AFF3: variants seen among roughly 807,000 people sequenced by gnomAD.
AFF3 encodes ALF transcription elongation factor 3, also known as AF4/FMR2 family member 3.
AFF3 carries 32 observed loss-of-function variants against 129.7 expected under a neutral mutation model. The observed-to-expected ratio is 0.25, with a 90% CI of 0.19 to 0.33. The LOEUF (loss-of-function observed/expected upper bound fraction) is 0.33. Ranked by LOEUF, AFF3 falls within the 10% of genes least tolerant of loss-of-function variation. The pLI, the probability that AFF3 is intolerant of heterozygous loss-of-function variation, is 1.00. For synonymous variants in AFF3, 644 were observed against 635.4 expected, an observed-to-expected ratio of 1.01 and a Z score of -0.20; for missense variants, 1,373 against 1,592.0, an observed-to-expected ratio of 0.86 and a Z score of 2.34.
chr2:99,893,735 C>CT (rs1209942033), intron 7 of AFF3, among the ~76,000 whole-genome samples: 1 of 152,224 alleles, frequency 6.6e-6, no homozygotes, highest in Admixed American at 6.5e-5. Context: ...AGAACATCAA[C>CT]TAACACTATT....
intron 1 of AFF3, among the ~76,000 whole-genome samples, chr2:100,130,537 G>A (rs1167166892): frequency 8.5e-5 from 13 of 152,228 alleles, no homozygotes; most frequent in Admixed American, 3.3e-4. Context: ...GGGCTCAGCC[G>A]TGTGCCCACA....
At chr2:99,991,317 T>C (rs1576495197) in intron 7 of AFF3, among the ~76,000 whole-genome samples, 1 of 152,224 alleles carries the variant, frequency 6.6e-6, no homozygotes, top group Non-Finnish European at 1.5e-5. Flanking sequence ...CTTCTTGCCA[T>C]GTTTGGGTCT....
At chr2:99,839,754 G>C (rs1162864015) in intron 7 of AFF3, among the ~76,000 whole-genome samples, 1 of 151,946 alleles carries the variant, frequency 6.6e-6, no homozygotes, top group Non-Finnish European at 1.5e-5. Context: ...TGAAACTACA[G>C]GCATGTATCA....
chr2:100,121,372 G>A (rs1280738553), intron 2 of AFF3, among the ~76,000 whole-genome samples: 9 of 152,196 alleles, frequency 5.9e-5, no homozygotes, highest in Admixed American at 5.9e-4. Flanking sequence ...TCCGGCCAGG[G>A]ATGGGAATAT....
chr2:99,756,624 C>T (rs1682121329), intron 8 of AFF3, among the ~76,000 whole-genome samples: 1 of 152,232 alleles, frequency 6.6e-6, no homozygotes, highest in Admixed American at 6.5e-5. Flanking sequence ...TCCTTCTCCA[C>T]TGGCTTTTTC....
At chr2:99,869,674 G>A in intron 7 of AFF3, among the ~76,000 whole-genome samples, 1 of 152,174 alleles carries the variant, frequency 6.6e-6, no homozygotes, top group Non-Finnish European at 1.5e-5. Context: ...AGCTTACCCT[G>A]GGGTCCCCCT....
At position 99,721,268 on chromosome 2, in the gene AFF3, T is replaced by C. The variant is rs1575788102; in HGVS notation, c.1091+5809A>G. ...ATTCTGGGTTGGGTGTGGTGGCTCA[T>C]GCCTGTAACCCCAGCACTTTCGGAG... On this transcript the variant is annotated intron_variant, in intron 11 of 24. Transcript: ENST00000672756. Among the ~76,000 whole-genome samples, 4 of 152,296 alleles carry C rather than the reference T, an allele frequency of 2.6e-5. No individual in the cohort carries two copies. In the South Asian group the frequency reaches 8.3e-4, roughly 32 times the overall value.
intron 7 of AFF3, among the ~76,000 whole-genome samples, chr2:99,927,467 G>A (rs1382227637): frequency 6.6e-6 from 1 of 152,122 alleles, no homozygotes; most frequent in Non-Finnish European, 1.5e-5. Flanking sequence ...CTAGGCAAAT[G>A]AACTCAGGAA....
chr2:100,072,433 A>G (rs1021495069), intron 4 of AFF3, among the ~76,000 whole-genome samples: 2 of 152,168 alleles, frequency 1.3e-5, no homozygotes. Flanking sequence ...CCCTGGTGCC[A>G]AAAAGGTTGG....
intron 7 of AFF3, among the ~76,000 whole-genome samples, chr2:99,914,030 A>G (rs1695283713): frequency 6.6e-6 from 1 of 152,192 alleles, no homozygotes; most frequent in African/African-American, 2.4e-5. Flanking sequence ...GGTACCACCA[A>G]CGAATGCTAA....
chr2:100,008,888 T>C lies in AFF3; in HGVS notation c.98A>G (p.Glu33Gly). Reference sequence around the variant, plus strand: ...CTGTTGAGTTTCTTGATTTCTTCTTTCTCGTTCTTTCCTCCGTAATGCATT... The same window carrying C: ...CTGTTGAGTTTCTTGATTTCTTCTTCCTCGTTCTTTCCTCCGTAATGCATT... Reference protein sequence around the residue: ...DRNALRRKERERRNQETQQDD... With the variant: ...DRNALRRKERGRRNQETQQDD... Residue 33 changes from glutamate (E) to glycine (G), a missense_variant, in exon 5 of 25, where the codon GAA becomes GGA. Glu to Gly is a moderately conservative substitution (Grantham distance 98). Coordinates refer to ENST00000672756, the MANE Select transcript of AFF3 (RefSeq NM_001386135.1). The C allele has an allele frequency of 6.2e-7, 1 of 1,614,090 alleles. No individual in the cohort carries two copies. The highest frequency in any genetic ancestry group is 8.5e-7 in the Non-Finnish European group (1 of 1,179,986).
Position 100,037,008 on chromosome 2 carries a change from G to C in AFF3, c.54-28076C>G, listed in dbSNP as rs150819530. Among the ~76,000 whole-genome samples, 603 of 152,210 alleles carry C rather than the reference G, an allele frequency of 4.0e-3. 4 individuals carry two copies. Among genetic ancestry groups the C allele is most frequent in the Admixed American group, 5.7e-3 (87 of 15,276 alleles). On this transcript the variant is annotated intron_variant, in intron 4 of 24. Transcript: ENST00000672756. ...CAGCCAAACAGGTAAAATCCTTCTGGAGGGAAACTTGGCAATATATCAAAA... is the reference window on the plus strand; with the variant it reads ...CAGCCAAACAGGTAAAATCCTTCTGCAGGGAAACTTGGCAATATATCAAAA...
At chr2:99,993,169 T>C (rs1680512818) in intron 7 of AFF3, among the ~76,000 whole-genome samples, 1 of 152,234 alleles carries the variant, frequency 6.6e-6, no homozygotes, top group Non-Finnish European at 1.5e-5. Flanking sequence ...TAAGCTCTTG[T>C]CTTGTATTTA....
chr2:99,934,929 G>C (rs1232223199), intron 7 of AFF3, among the ~76,000 whole-genome samples: 1 of 152,184 alleles, frequency 6.6e-6, no homozygotes, highest in Non-Finnish European at 1.5e-5. Flanking sequence ...ATGTGACTGG[G>C]ATGTTTAATT....
intron 7 of AFF3, among the ~76,000 whole-genome samples, chr2:99,916,221 C>T (rs1357487906): frequency 6.6e-6 from 1 of 152,176 alleles, no homozygotes. Flanking sequence ...TTCTGCGAGA[C>T]CTTAGCATTA....
chr2:99,839,799 T>C (rs7584927), intron 7 of AFF3, among the ~76,000 whole-genome samples: 94,095 of 151,510 alleles, frequency 0.62, 30,171 homozygotes, highest in South Asian at 0.76. Context: ...TTTAGTAGAG[T>C]TGGGGTTTCA....
intron 12 of AFF3, among the ~76,000 whole-genome samples, chr2:99,662,075 G>C (rs1265309005): frequency 6.6e-6 from 1 of 152,076 alleles, no homozygotes; most frequent in Non-Finnish European, 1.5e-5. Context: ...GGGAGGCGGA[G>C]GTTGCAGTGG....
At chr2:100,040,957 A>G (rs1685377311) in intron 4 of AFF3, among the ~76,000 whole-genome samples, 1 of 152,206 alleles carries the variant, frequency 6.6e-6, no homozygotes, top group Admixed American at 6.5e-5. Flanking sequence ...CTGTTTCATC[A>G]CTGTGAAAGT....
intron 7 of AFF3, among the ~76,000 whole-genome samples, chr2:99,863,428 A>C (rs1691146706): frequency 6.6e-6 from 1 of 152,228 alleles, no homozygotes; most frequent in Non-Finnish European, 1.5e-5. Flanking sequence ...TTAAGAAAAA[A>C]AAAAGTTTCA....
Sources: allele counts gnomAD v4.1 joint callset (sites outside exome capture counted in the v4.1 genomes callset), GRCh38; gene constraint gnomAD v4.1.1; transcripts MANE v1.5; gene names NCBI Gene and HGNC (gene_info 2026-07-23, HGNC 2026-07-21).